FOLH1: variants seen among roughly 807,000 people sequenced by gnomAD.
FOLH1 encodes the protein glutamate carboxypeptidase 2.
FOLH1 carries 54 observed loss-of-function variants against 93.9 expected under a neutral mutation model. The observed-to-expected ratio is 0.57, with a 90% CI of 0.46 to 0.72. The LOEUF is 0.72. Among genes scored for constraint, FOLH1 ranks in the 30% least tolerant of loss-of-function variants. The probability of loss-of-function intolerance (pLI) is 0.00; values close to 1 mark genes in which losing one functional copy is unlikely to be tolerated. For synonymous variants in FOLH1, 249 were observed against 303.6 expected (o/e 0.82, Z 1.87); for missense variants, 571 against 892.5 (o/e 0.64, Z 4.59).
intron 9 of FOLH1, 89 bp downstream of exon 9, chr11:49,174,803 T>G: frequency 2.7e-6 from 3 of 1,093,482 alleles, no homozygotes; most frequent in Non-Finnish European, 2.7e-6. Context: ...GTTTGTTTGT[T>G]TTGATTCACT....
At chr11:49,149,890 A>G (rs750794916) in intron 17 of FOLH1, among the ~76,000 whole-genome samples, 10 of 152,184 alleles carry the variant, frequency 6.6e-5, no homozygotes, top group Non-Finnish European at 1.0e-4. Flanking sequence ...AAAGTTTTCC[A>G]TATTTAAAAA....
intron 3 of FOLH1, among the ~76,000 whole-genome samples, chr11:49,198,087 G>C (rs1862821604): frequency 6.6e-6 from 1 of 151,280 alleles, no homozygotes; most frequent in Admixed American, 6.6e-5. Context: ...ACAGGCTTTG[G>C]TAACATTATG....
At chr11:49,196,021 G>C (rs1272391905) in intron 3 of FOLH1, among the ~76,000 whole-genome samples, 1 of 152,088 alleles carries the variant, frequency 6.6e-6, no homozygotes, top group African/African-American at 2.4e-5. Context: ...GGGTGCGGTG[G>C]CTCATGCCTG....
chr11:49,192,221 G>A (rs186557079), intron 4 of FOLH1, among the ~76,000 whole-genome samples: 27 of 151,648 alleles, frequency 1.8e-4, no homozygotes, highest in African/African-American at 6.0e-4. Context: ...TTAATTTTTG[G>A]TATACATAAG....
At chr11:49,182,686 G>A (rs1860906141) in intron 7 of FOLH1, among the ~76,000 whole-genome samples, 1 of 152,190 alleles carries the variant, frequency 6.6e-6, no homozygotes, top group Admixed American at 6.5e-5. Flanking sequence ...AAAGGGAGGA[G>A]GAAAAGAAAG....
At chr11:49,167,589 T>C (rs202669) in intron 12 of FOLH1, among the ~76,000 whole-genome samples, 50,654 of 152,046 alleles carry the variant, frequency 0.33, 10,081 homozygotes, top group African/African-American at 0.56. Flanking sequence ...ACAATGTGGA[T>C]AGACAGCTTG....
rs1396105289 is a variant in FOLH1, at chr11:49,149,563, C to T, written c.1971-832G>A. Among the ~76,000 whole-genome samples the T allele has an allele frequency of 3.3e-5, 5 of 151,908 alleles. No individual in the cohort carries two copies. The East Asian group carries it at 9.7e-4, about 29-fold the overall frequency. ...GGCTAGTAGTCCAAATGGAATGTAA[C>T]AGTTTTTTTTTAAGTTTCTATAATT... On this transcript the variant is annotated intron_variant, in intron 17 of 18. Transcript: ENST00000256999.
chr11:49,152,757 C>G (rs1453203353), intron 17 of FOLH1, among the ~76,000 whole-genome samples: 1 of 152,006 alleles, frequency 6.6e-6, no homozygotes, highest in Non-Finnish European at 1.5e-5. Flanking sequence ...TTTTCGTATT[C>G]TGAACCATTT....
intron 7 of FOLH1, among the ~76,000 whole-genome samples, chr11:49,182,908 A>G (rs1436451612): frequency 6.6e-6 from 1 of 152,150 alleles, no homozygotes; most frequent in Non-Finnish European, 1.5e-5. Context: ...CAATTGATCA[A>G]TTAGGTTCCC....
At chr11:49,169,943 GAC>G in intron 11 of FOLH1, among the ~76,000 whole-genome samples, 1 of 151,972 alleles carries the variant, frequency 6.6e-6, no homozygotes, top group East Asian at 1.9e-4. Context: ...TAATTTGAAA[GAC>G]ACAAATTACA....
chr11:49,162,842 G>T (rs1456415953), intron 13 of FOLH1: 5 of 147,770 alleles, frequency 3.4e-5, no homozygotes, highest in Admixed American at 2.1e-4. Context: ...CTGCTGTGTT[G>T]TGCTGGGGGG....
At chr11:49,178,634 C>G (rs1228453109) in intron 7 of FOLH1, among the ~76,000 whole-genome samples, 1 of 152,040 alleles carries the variant, frequency 6.6e-6, no homozygotes, top group Non-Finnish European at 1.5e-5. Flanking sequence ...TCTTTAGGTT[C>G]TCTTTAGAAA....
chr11:49,177,904 G>A (rs550226342), intron 7 of FOLH1, among the ~76,000 whole-genome samples: 124 of 151,386 alleles, frequency 8.2e-4, no homozygotes, highest in Non-Finnish European at 1.4e-3. Context: ...TAGAGATTGC[G>A]GTGAAGCGAG....
Position 49,148,703 on chromosome 11 carries a change from G to T in FOLH1, c.1999C>A (p.Gln667Lys). The stretch of plus-strand genomic sequence containing the variant: ...AATGCTCTTTCCAGAAACATGAGTT[G>T]ATCATTCATCATTCTTAATACTATT... ...NPIVLRMMND[Q>K]LMFLERAFID... Residue 667 changes from glutamine (Q) to lysine (K), a missense_variant, in exon 18 of 19, where the codon CAA (glutamine) becomes AAA (lysine). Gln to Lys is a moderately conservative substitution (Grantham distance 53, BLOSUM62 1). Around this residue, in one of 2 missense-constraint regions of FOLH1, gnomAD observed 500 missense variants for 822.9 expected, o/e 0.61. Coordinates refer to ENST00000256999, the MANE Select transcript of FOLH1 (RefSeq NM_004476.3). The T allele has an allele frequency of 2.5e-6, 4 of 1,605,092 alleles. No individual in the cohort carries two copies. The South Asian group carries it at 3.4e-5, about 14-fold the overall frequency.
intron 3 of FOLH1, among the ~76,000 whole-genome samples, chr11:49,193,424 C>T (rs951730601): frequency 1.3e-5 from 2 of 151,956 alleles, no homozygotes; most frequent in South Asian, 2.1e-4. Context: ...GACTAGCTTT[C>T]GATTTTGGAG....
At chr11:49,170,672 G>A (rs3904245) in intron 11 of FOLH1, among the ~76,000 whole-genome samples, 74,684 of 151,286 alleles carry the variant, frequency 0.49, 20,519 homozygotes, top group Admixed American at 0.61. Flanking sequence ...AATCAAACAT[G>A]ATACAGGAAA....
At chr11:49,208,159 A>C in intron 1 of FOLH1, 133 bp downstream of exon 1, 1 of 680,734 alleles carries the variant, frequency 1.5e-6, no homozygotes, top group Non-Finnish European at 2.5e-6. Flanking sequence ...CTCACCCCAC[A>C]TTACCCCGAC....
chr11:49,187,340 AC>A (rs1282968167), intron 4 of FOLH1, among the ~76,000 whole-genome samples: 3 of 152,076 alleles, frequency 2.0e-5, no homozygotes, highest in African/African-American at 7.2e-5. Context: ...TGATCTTCCA[AC>A]CTTTTTTGCT....
intron 3 of FOLH1, among the ~76,000 whole-genome samples, chr11:49,195,926 C>A (rs1158587397): frequency 6.6e-6 from 1 of 152,102 alleles, no homozygotes; most frequent in Non-Finnish European, 1.5e-5. Context: ...CAGGCCGAGG[C>A]GGGTGGATTA....
Sources: allele counts gnomAD v4.1 joint callset (sites outside exome capture counted in the v4.1 genomes callset), GRCh38; gene constraint gnomAD v4.1.1; regional missense constraint gnomAD v4.1.1; transcripts MANE v1.5; gene names NCBI Gene and HGNC (gene_info 2026-07-23, HGNC 2026-07-21).